The following PDP1 variants were observed in gnomAD, a reference collection of about 807,000 sequenced individuals.
PDP1 encodes the protein pyruvate dehyrogenase phosphatase catalytic subunit 1.
A neutral mutation model predicts 37.1 loss-of-function variants in PDP1; 14 were observed. That is an observed-to-expected ratio of 0.38 (90% CI 0.25 to 0.59). PDP1 has a LOEUF of 0.59. PDP1 is among the 20% of genes least tolerant of loss of function. PDP1 has a pLI of 0.67. For synonymous variants in PDP1, 251 were observed against 243.3 expected (o/e 1.03, Z -0.29); for missense variants, 544 against 655.3 (o/e 0.83, Z 1.85).
Position 93,922,923 on chromosome 8 carries a change from T to C in PDP1, c.864T>C (p.Asn288=). ...ATGGTGTTGACCTTCATGTGGCCAA[T>C]ACTGGCGATAGCAGAGCCATGCTGG... ...HVDGVDLHVA[N]TGDSRAMLGV... The change falls in exon 2 of 2, where the codon AAT becomes AAC. Residue 288 remains asparagine, a synonymous_variant. Transcript: ENST00000297598. The surrounding 1 kb of genome is among the most constrained non-coding windows in gnomAD (Gnocchi z 4.0). 1 of 1,614,192 alleles carries C rather than the reference T, an allele frequency of 6.2e-7. No individual in the cohort carries two copies.
chr8:93,921,857 A>G, intron 1 of PDP1, 159 bp from the exon 2 acceptor site: 3 of 571,434 alleles, frequency 5.2e-6, no homozygotes, highest in East Asian at 2.9e-5. Flanking sequence ...TATACCCTGT[A>G]GAAATAGTAC....
intron 1 of PDP1, chr8:93,917,695 C>G: frequency 2.1e-6 from 2 of 975,276 alleles, no homozygotes; most frequent in Non-Finnish European, 3.0e-6. Flanking sequence ...CTTCCTTGTT[C>G]TCTCCACCCC....
In PDP1 at chr8:93,925,160, A is replaced by T. The variant is rs189435075; in HGVS notation, c.*1487A>T. 632 of 167,164 alleles carry T rather than the reference A, an allele frequency of 3.8e-3. 13 individuals carry two copies. Among genetic ancestry groups the T allele is most frequent in the Admixed American group, 0.028 (436 of 15,306 alleles). 10.4% of individuals were successfully genotyped at this position (167,164 alleles called of 1,614,324 possible). ...AGGAGTCTTTTCACATTTTTTGGGG[A>T]TATGAACTAGATGTTCAAGAACTCC... On this transcript the variant is annotated 3_prime_UTR_variant, in exon 2 of 2. Transcript: ENST00000297598.
At position 93,922,890 on chromosome 8, in the gene PDP1, C is replaced by T. The variant is rs746758163; in HGVS notation, c.831C>T (p.Ala277=). ...TTTCTGGAGCCACTGCTTGTGTGGC[C>T]CATGTGGATGGTGTTGACCTTCATG... ...VAFSGATACV[A]HVDGVDLHVA... Residue 277 remains alanine, a synonymous_variant, in exon 2 of 2, where the codon GCC becomes GCT. Transcript: ENST00000297598. This position sits in a 1 kb window ranked among gnomAD's most constrained non-coding sequence, Gnocchi z 4.0. The T allele has an allele frequency of 3.1e-6, 5 of 1,614,142 alleles. No individual in the cohort carries two copies. In the Admixed American group the frequency reaches 8.3e-5, roughly 27 times the overall value.
chr8:93,921,808 C>T (rs927487960), intron 1 of PDP1: 4 of 506,488 alleles, frequency 7.9e-6, no homozygotes, highest in Admixed American at 3.6e-5. Flanking sequence ...GGAGTTCAGT[C>T]GTGGTTCCAC....
At position 93,917,660 on chromosome 8, in the gene PDP1, C is replaced by T. The variant is rs908480276; in HGVS notation, c.-45+581C>T. ...GCCTTGGGCTGTGGCTTTGCCTCCC[C>T]GGCGGGGTGGGTTGGTTTGGTTGGC... On this transcript the variant is annotated intron_variant, in intron 1 of 1. Coordinates refer to ENST00000297598, the MANE Select transcript of PDP1 (RefSeq NM_018444.4). 5.6e-6 allele frequency: 4 copies of T among 716,658 alleles called. No individual in the cohort carries two copies. In the East Asian group the frequency reaches 1.1e-4, roughly 20 times the overall value. 44.4% of individuals were successfully genotyped at this position (716,658 alleles called of 1,614,324 possible).
Position 93,922,134 on chromosome 8 carries a change from T to C in PDP1, c.75T>C (p.Cys25=). 7 of 1,614,022 alleles carry C rather than the reference T, an allele frequency of 4.3e-6. No individual in the cohort carries two copies. The highest frequency in any genetic ancestry group is 5.9e-6 in the Non-Finnish European group (7 of 1,179,842). ...TGAGCAGGATCTATGGCACTGCATG[T>C]TACTGCCACCACAAACATCTCTGTT... is the stretch of plus-strand genomic sequence containing the variant. ...CELSRIYGTA[C]YCHHKHLCCS... Residue 25 remains cysteine (C), a synonymous_variant, in exon 2 of 2, where the codon TGT becomes TGC. Coordinates refer to ENST00000297598, the MANE Select transcript of PDP1 (RefSeq NM_018444.4). The surrounding 1 kb of genome is among the most constrained non-coding windows in gnomAD (Gnocchi z 4.0).
In PDP1 at chr8:93,922,750, G is replaced by C; in HGVS notation, c.691G>C (p.Asp231His). 6.2e-7 allele frequency: 1 copy of C among 1,614,162 alleles called. No homozygotes were observed. The highest frequency in any genetic ancestry group is 8.5e-7 in the Non-Finnish European group (1 of 1,180,008). ...CAACACTGGTGAGTCGACTGATATTGATGTTAAGGAGGCTCTAATTAATGC... is the reference window on the plus strand; with the variant it reads ...CAACACTGGTGAGTCGACTGATATTCATGTTAAGGAGGCTCTAATTAATGC... ...DLNTGESTDIDVKEALINAFK... is the reference protein window; with the variant it reads ...DLNTGESTDIHVKEALINAFK... Residue 231 changes from aspartate (D) to histidine (H), a missense_variant, in exon 2 of 2, where the codon GAT (aspartate) becomes CAT (histidine). Asp to His is a moderately conservative substitution (Grantham distance 81). Transcript: ENST00000297598. The surrounding 1 kb of genome is among the most constrained non-coding windows in gnomAD (Gnocchi z 4.0).
Position 93,923,839 on chromosome 8 carries a change from A to G in PDP1, c.*166A>G. On this transcript the variant is annotated 3_prime_UTR_variant, in exon 2 of 2. Transcript: ENST00000297598. The surrounding 1 kb of genome is among the most constrained non-coding windows in gnomAD (Gnocchi z 4.3). ...CAAATTGACTTTGCAGCAGGGTGGC[A>G]GGGTCAGGAGAGTCTGGTCCTGCCT... The G allele has an allele frequency of 3.0e-6, 2 of 670,326 alleles. No individual in the cohort carries two copies. The highest frequency in any genetic ancestry group is 3.4e-5 in the South Asian group (2 of 59,112). The allele number at this position is 670,326 out of a possible 1,614,324, so 41.5% of individuals were successfully genotyped here. A position where few individuals can be genotyped will look rare whatever the true frequency, so the allele number is the denominator to read the frequency against.
Position 93,917,715 on chromosome 8 carries a change from C to T in PDP1, c.-45+636C>T, listed in dbSNP as rs962856928. The T allele has an allele frequency of 8.7e-6, 10 of 1,150,378 alleles. No homozygotes were observed. The African/African-American group carries it at 1.4e-4, about 16-fold the overall frequency. 71.3% of individuals were successfully genotyped at this position (1,150,378 alleles called of 1,614,324 possible). A position where few individuals can be genotyped will look rare whatever the true frequency, so the allele number is the denominator to read the frequency against. ...TTGTTCTCTCCACCCCTTTATCCCT[C>T]CTCCATCCTCTTCCCCCCCACCTCC... On this transcript the variant is annotated intron_variant, in intron 1 of 1. Transcript: ENST00000297598.
chr8:93,922,833 T>C lies in PDP1; in HGVS notation c.774T>C (p.Ser258=). ...SLEAQVGDPN[S]FLNYLVLRVA... Reference sequence around the variant, plus strand: ...AGGCGCAAGTTGGTGATCCTAATTCTTTTCTCAACTACCTGGTGCTTCGAG... The same window carrying C: ...AGGCGCAAGTTGGTGATCCTAATTCCTTTCTCAACTACCTGGTGCTTCGAG... Residue 258 remains serine, a synonymous_variant, in exon 2 of 2, where the codon TCT becomes TCC. Coordinates refer to ENST00000297598, the MANE Select transcript of PDP1 (RefSeq NM_018444.4). The surrounding 1 kb of genome is among the most constrained non-coding windows in gnomAD (Gnocchi z 4.0). 6.2e-7 allele frequency: 1 copy of C among 1,614,224 alleles called. No individual in the cohort carries two copies. The highest frequency in any genetic ancestry group is 8.5e-7 in the Non-Finnish European group (1 of 1,180,046).
At chr8:93,918,054 ATTGG>A in intron 1 of PDP1, 2 of 1,269,952 alleles carry the variant, frequency 1.6e-6, no homozygotes, top group Admixed American at 2.1e-5. Flanking sequence ...GATGAGATAG[ATTGG>A]AAAAAGGGAC....
At position 93,916,961 on chromosome 8, in the gene PDP1, G is replaced by T. The variant is rs749570657; in HGVS notation, c.-163G>T. On this transcript the variant is annotated 5_prime_UTR_variant, in exon 1 of 2. Coordinates refer to ENST00000297598, the MANE Select transcript of PDP1 (RefSeq NM_018444.4). ...GGTAGGGGAGCAGAGTGGGCAGGCCGGGGGTGAGGGCTCGCGCTCCGGGAG... is the reference window on the plus strand; with the variant it reads ...GGTAGGGGAGCAGAGTGGGCAGGCCTGGGGTGAGGGCTCGCGCTCCGGGAG... 6.6e-6 allele frequency: 3 copies of T among 454,824 alleles called. No homozygotes were observed. The highest frequency in any genetic ancestry group is 3.2e-5 in the South Asian group (2 of 63,312). 28.2% of individuals were successfully genotyped at this position (454,824 alleles called of 1,614,324 possible).
Position 93,923,800 on chromosome 8 carries a change from C to A in PDP1, c.*127C>A. The A allele has an allele frequency of 2.4e-6, 2 of 832,470 alleles. No individual in the cohort carries two copies. Among genetic ancestry groups the A allele is most frequent in the Non-Finnish European group, 4.1e-6 (2 of 492,348 alleles). The allele number at this position is 832,470 out of a possible 1,614,324, so 51.6% of individuals were successfully genotyped here. ...AGCATTTACCCTTTTGATACTCTAG[C>A]TAGTCAGGTACTCCAAATTGACTTT... is the stretch of plus-strand genomic sequence containing the variant. On this transcript the variant is annotated 3_prime_UTR_variant, in exon 2 of 2. Transcript: ENST00000297598. This position sits in a 1 kb window ranked among gnomAD's most constrained non-coding sequence, Gnocchi z 4.3.
chr8:93,921,165 AT>A, intron 1 of PDP1: 2 of 984,518 alleles, frequency 2.0e-6, no homozygotes, highest in Non-Finnish European at 1.2e-6. Flanking sequence ...TTCCATAAGC[AT>A]AAAGGCATGA....
rs910824525 is a variant in PDP1 at position 93,922,606 on chromosome 8, G to A, written c.547G>A (p.Gly183Ser). Residue 183 changes from glycine to serine, a missense_variant, in exon 2 of 2, where the codon GGC becomes AGC. Coordinates refer to ENST00000297598, the MANE Select transcript of PDP1 (RefSeq NM_018444.4). This position sits in a 1 kb window ranked among gnomAD's most constrained non-coding sequence, Gnocchi z 4.0. ...LLEIENAVES[G>S]RALLPILQWH... ...AGAGATTGAAAATGCAGTGGAGAGC[G>A]GCCGGGCACTGCTACCCATTCTCCA... The A allele has an allele frequency of 1.5e-5, 25 of 1,614,070 alleles. No individual in the cohort carries two copies. Among genetic ancestry groups the A allele is most frequent in the South Asian group, 2.2e-5 (2 of 91,082 alleles).
At chr8:93,917,470 G>A (rs1195373073) in intron 1 of PDP1, among the ~76,000 whole-genome samples, 9 of 151,808 alleles carry the variant, frequency 5.9e-5, no homozygotes, top group Non-Finnish European at 8.8e-5. Context: ...CCTGACACCG[G>A]CCGGCCCCTG....
intron 1 of PDP1, 107 bp from the exon 2 acceptor site, chr8:93,921,909 A>G: frequency 6.8e-6 from 5 of 736,662 alleles, no homozygotes; most frequent in Non-Finnish European, 1.1e-5. Context: ...GCAAAGGCTT[A>G]ACATGTAGAT....
intron 1 of PDP1, chr8:93,917,778 C>A: frequency 6.4e-7 from 1 of 1,562,954 alleles, no homozygotes; most frequent in South Asian, 1.2e-5. Flanking sequence ...CCTCGCCCCT[C>A]CTCCGCTCCC....
Sources: allele counts gnomAD v4.1 joint callset (sites outside exome capture counted in the v4.1 genomes callset), GRCh38; gene constraint gnomAD v4.1.1; non-coding constraint Gnocchi (gnomAD v3.1); transcripts MANE v1.5; gene names NCBI Gene and HGNC (gene_info 2026-07-23, HGNC 2026-07-21).